Variants in NAA35 observed in about 807,000 individuals in gnomAD.
NAA35 encodes the protein N-alpha-acetyltransferase 35, NatC auxiliary subunit.
NAA35 carries 18 observed loss-of-function variants against 101.7 expected under a neutral mutation model. That is an observed-to-expected ratio of 0.18 (90% CI 0.12 to 0.26). The LOEUF (loss-of-function observed/expected upper bound fraction) is 0.26. NAA35 is among the 10% of genes least tolerant of loss of function. The probability of loss-of-function intolerance (pLI) is 1.00; values close to 1 mark genes in which losing one functional copy is unlikely to be tolerated. For missense variants in NAA35, 601 were observed against 886.8 expected, an observed-to-expected ratio of 0.68 and a Z score of 4.09; for synonymous variants, 267 against 273.1, an observed-to-expected ratio of 0.98 and a Z score of 0.22.
chr9:85,982,905 A>G lies in NAA35; in HGVS notation c.877+4524A>G, dbSNP rs1006096906. Among the ~76,000 whole-genome samples, 4 of 152,200 alleles carry G rather than the reference A, an allele frequency of 2.6e-5. No individual in the cohort carries two copies. In the East Asian group the frequency reaches 5.8e-4, roughly 22 times the overall value. On this transcript the variant is annotated intron_variant, in intron 11 of 22. Transcript: ENST00000361671. ...TTGACTTACCTATCTCCAAATAACT[A>G]TTTTTAGCCACTGATAGAGGAAGTC...
At chr9:85,947,853 T>G (rs1423275414) in intron 2 of NAA35, among the ~76,000 whole-genome samples, 1 of 152,208 alleles carries the variant, frequency 6.6e-6, no homozygotes, top group Non-Finnish European at 1.5e-5. Flanking sequence ...ACATGGATAC[T>G]GGACTTAACA....
At chr9:85,956,230 T>C in intron 2 of NAA35, 130 bp from the exon 3 acceptor site, 1 of 539,762 alleles carries the variant, frequency 1.9e-6, no homozygotes. Context: ...TGAGTAGAAA[T>C]AAGTATTTCT....
chr9:85,991,253 A>G (rs1321195257), intron 11 of NAA35, among the ~76,000 whole-genome samples: 1 of 152,074 alleles, frequency 6.6e-6, no homozygotes, highest in African/African-American at 2.4e-5. Flanking sequence ...GGGTAGGCTC[A>G]TGTTAATGGA....
intron 12 of NAA35, among the ~76,000 whole-genome samples, chr9:86,002,580 TCTGA>T (rs1239609448): frequency 2.0e-5 from 3 of 152,150 alleles, no homozygotes; most frequent in South Asian, 2.1e-4. Flanking sequence ...TTTATTTTTG[TCTGA>T]CTGTCTTATT....
chr9:85,984,567 G>A (rs61364980), intron 11 of NAA35, among the ~76,000 whole-genome samples: 12,773 of 152,172 alleles, frequency 0.084, 1,780 homozygotes, highest in African/African-American at 0.29. Flanking sequence ...CACATGTGCA[G>A]CAGTAGTGGA....
At chr9:85,981,498 C>T (rs953872499) in intron 11 of NAA35, among the ~76,000 whole-genome samples, 5 of 152,208 alleles carry the variant, frequency 3.3e-5, no homozygotes, top group South Asian at 2.1e-4. Context: ...TGATAATTTC[C>T]GTGGGATCAT....
At chr9:85,996,605 TA>T in intron 12 of NAA35, 28 bp downstream of exon 12, 1 of 1,473,678 alleles carries the variant, frequency 6.8e-7, no homozygotes, top group Non-Finnish European at 9.0e-7. Flanking sequence ...TTCCAGAATG[TA>T]ACTTCCATTT....
intron 11 of NAA35, among the ~76,000 whole-genome samples, chr9:85,993,654 A>G (rs1831027318): frequency 6.6e-6 from 1 of 152,152 alleles, no homozygotes; most frequent in African/African-American, 2.4e-5. Context: ...TTTGTATTGT[A>G]TGTGAATTGC....
At chr9:86,019,748 G>A (rs1006267446) in intron 21 of NAA35, among the ~76,000 whole-genome samples, 4 of 152,144 alleles carry the variant, frequency 2.6e-5, no homozygotes, top group Non-Finnish European at 4.4e-5. Flanking sequence ...CCATAGAGGC[G>A]TAGCTTAGCA....
chr9:85,991,202 G>T (rs1158783593), intron 11 of NAA35, among the ~76,000 whole-genome samples: 1 of 152,088 alleles, frequency 6.6e-6, no homozygotes, highest in Non-Finnish European at 1.5e-5. Context: ...GAGTATAAAG[G>T]CAGGGAGTAG....
At chr9:86,018,185 T>C in intron 19 of NAA35, 70 bp from the exon 20 acceptor site, 1 of 1,389,704 alleles carries the variant, frequency 7.2e-7, no homozygotes, top group Non-Finnish European at 9.9e-7. Context: ...TTGTCTTCCA[T>C]TCTGTATTGA....
chr9:85,997,096 G>A (rs1831194273), intron 12 of NAA35, among the ~76,000 whole-genome samples: 1 of 151,902 alleles, frequency 6.6e-6, no homozygotes, highest in African/African-American at 2.4e-5. Flanking sequence ...GGGACCACAG[G>A]CGTGTGCCAC....
chr9:85,984,042 A>T (rs963786296), intron 11 of NAA35, among the ~76,000 whole-genome samples: 2 of 150,586 alleles, frequency 1.3e-5, no homozygotes, highest in African/African-American at 4.9e-5. Flanking sequence ...AAAAAAAAAA[A>T]TCACTGGATG....
At chr9:85,973,023 T>TG (rs1282874635) in intron 6 of NAA35, among the ~76,000 whole-genome samples, 3 of 152,296 alleles carry the variant, frequency 2.0e-5, no homozygotes, top group Admixed American at 1.3e-4. Context: ...TTAGAATGCA[T>TG]GGGGAAAATC....
chr9:85,983,865 A>G (rs568014984), intron 11 of NAA35, among the ~76,000 whole-genome samples: 5 of 152,264 alleles, frequency 3.3e-5, no homozygotes, highest in African/African-American at 7.2e-5. Context: ...AGTTGCAGAA[A>G]TCTTAGAGCC....
chr9:85,948,717 C>T (rs1020504631), intron 2 of NAA35, among the ~76,000 whole-genome samples: 1 of 152,136 alleles, frequency 6.6e-6, no homozygotes, highest in African/African-American at 2.4e-5. Flanking sequence ...AATCTGATGA[C>T]ATTCTGATAC....
rs577046700 is a variant in NAA35 at position 86,010,959 on chromosome 9, T to C, written c.1290+1028T>C. On this transcript the variant is annotated intron_variant, in intron 15 of 22. Coordinates refer to ENST00000361671, the MANE Select transcript of NAA35 (RefSeq NM_024635.4). ...CTGAGTTATAATAAAATTAAAATTA[T>C]TGGCTGGGCATGGTGGCTCACGCCT... Among the ~76,000 whole-genome samples, 6 of 151,738 alleles carry C rather than the reference T, an allele frequency of 4.0e-5. No individual in the cohort carries two copies. In the South Asian group the frequency reaches 1.3e-3, roughly 32 times the overall value.
chr9:85,955,712 T>A (rs1829248186), intron 2 of NAA35, among the ~76,000 whole-genome samples: 6 of 152,160 alleles, frequency 3.9e-5, no homozygotes, highest in Admixed American at 3.9e-4. Context: ...ATTTCTGACT[T>A]ACCTGCATAT....
At chr9:85,971,115 G>A (rs1017401405) in intron 6 of NAA35, among the ~76,000 whole-genome samples, 1 of 152,122 alleles carries the variant, frequency 6.6e-6, no homozygotes, top group African/African-American at 2.4e-5. Context: ...CAGTTTCCTT[G>A]ATCCCATGGC....
Sources: allele counts gnomAD v4.1 joint callset (sites outside exome capture counted in the v4.1 genomes callset), GRCh38; gene constraint gnomAD v4.1.1; transcripts MANE v1.5; gene names NCBI Gene and HGNC (gene_info 2026-07-23, HGNC 2026-07-21).